LRP1B: variants seen among roughly 807,000 people sequenced by gnomAD.
LRP1B encodes low-density lipoprotein receptor-related protein 1B.
A neutral mutation model predicts 556.6 loss-of-function variants in LRP1B; 217 were observed. That is an observed-to-expected ratio of 0.39 (90% CI 0.35 to 0.44). The LOEUF (loss-of-function observed/expected upper bound fraction) is 0.44. LRP1B is among the 20% of genes least tolerant of loss of function. The probability of loss-of-function intolerance (pLI) is 1.00; values close to 1 mark genes in which losing one functional copy is unlikely to be tolerated. For synonymous variants in LRP1B, 2,047 were observed against 1,865.8 expected (o/e 1.10, Z -2.50); for missense variants, 5,053 against 5,620.8 (o/e 0.90, Z 3.23).
intron 1 of LRP1B, among the ~76,000 whole-genome samples, chr2:142,081,878 GTAA>G (rs1705732058): frequency 6.6e-6 from 1 of 152,114 alleles, no homozygotes. Flanking sequence ...TTGTGAGTTG[GTAA>G]TATTATCAGC....
intron 1 of LRP1B, among the ~76,000 whole-genome samples, chr2:142,110,808 T>C (rs1241919100): frequency 6.6e-6 from 1 of 152,206 alleles, no homozygotes; most frequent in Non-Finnish European, 1.5e-5. Context: ...TGTATCATGA[T>C]GAACAACCTA....
At chr2:141,472,248 A>G (rs62166283) in intron 3 of LRP1B, among the ~76,000 whole-genome samples, 66,891 of 152,096 alleles carry the variant, frequency 0.44, 15,026 homozygotes, top group Non-Finnish European at 0.49. Context: ...TTGTTGACTT[A>G]CACCTATTTA....
chr2:142,051,263 G>A (rs1218806187), intron 1 of LRP1B, among the ~76,000 whole-genome samples: 1 of 152,004 alleles, frequency 6.6e-6, no homozygotes, highest in Non-Finnish European at 1.5e-5. Flanking sequence ...ACAATATTTA[G>A]AGAGCTATTT....
chr2:141,709,128 A>G lies in LRP1B; in HGVS notation c.205+101151T>C, dbSNP rs144251720. Among the ~76,000 whole-genome samples the G allele has an allele frequency of 9.1e-3, 1,389 of 152,170 alleles. 16 individuals carry two copies. The highest frequency in any genetic ancestry group is 0.01 in the Non-Finnish European group (710 of 68,006). On this transcript the variant is annotated intron_variant, in intron 2 of 90. Transcript: ENST00000389484. Reference sequence around the variant, plus strand: ...TACTTTGGGAGGCCGACGCAGGCAGATCACAAGGTCAGGAGTTCAAGACCA... The same window carrying G: ...TACTTTGGGAGGCCGACGCAGGCAGGTCACAAGGTCAGGAGTTCAAGACCA...
intron 18 of LRP1B, among the ~76,000 whole-genome samples, chr2:140,965,804 G>GTTT (rs56096461): frequency 0.055 from 8,023 of 144,846 alleles, 303 homozygotes; most frequent in Middle Eastern, 0.094. Context: ...AACATGCAGT[G>GTTT]TTTTTTTTTT....
At chr2:140,238,906 C>T (rs959348246) in intron 88 of LRP1B, among the ~76,000 whole-genome samples, 9 of 150,776 alleles carry the variant, frequency 6.0e-5, no homozygotes, top group Non-Finnish European at 8.9e-5. Context: ...CATTATTTCA[C>T]GTCCATTTGT....
intron 60 of LRP1B, among the ~76,000 whole-genome samples, chr2:140,470,965 G>T (rs961684556): frequency 6.6e-6 from 1 of 152,118 alleles, no homozygotes; most frequent in African/African-American, 2.4e-5. Context: ...TCCAGCAAAG[G>T]CGTATTACTT....
chr2:141,464,778 G>C (rs933256900), intron 3 of LRP1B, among the ~76,000 whole-genome samples: 3 of 151,288 alleles, frequency 2.0e-5, no homozygotes, highest in Non-Finnish European at 4.4e-5. Context: ...CCTATATAAT[G>C]CCTATTTACT....
At chr2:140,389,164 A>G (rs1683899818) in intron 66 of LRP1B, among the ~76,000 whole-genome samples, 1 of 152,170 alleles carries the variant, frequency 6.6e-6, no homozygotes, top group South Asian at 2.1e-4. Context: ...ATATTATCAC[A>G]TAATATATGT....
At chr2:140,315,577 A>G (rs1221575598) in intron 82 of LRP1B, among the ~76,000 whole-genome samples, 1 of 151,970 alleles carries the variant, frequency 6.6e-6, no homozygotes, top group Non-Finnish European at 1.5e-5. Flanking sequence ...ACACGTGGCC[A>G]ATTTTTAAAT....
At chr2:141,110,767 G>C (rs1290216268) in intron 7 of LRP1B, among the ~76,000 whole-genome samples, 1 of 152,076 alleles carries the variant, frequency 6.6e-6, no homozygotes, top group Non-Finnish European at 1.5e-5. Context: ...ACACCTAAGA[G>C]GGGATTTATA....
intron 56 of LRP1B, among the ~76,000 whole-genome samples, chr2:140,493,376 A>T (rs746884774): frequency 2.0e-5 from 3 of 152,196 alleles, no homozygotes; most frequent in Non-Finnish European, 4.4e-5. Context: ...AACGTACAGG[A>T]GACCCTCTAA....
At chr2:141,297,757 G>T (rs1686236666) in intron 3 of LRP1B, among the ~76,000 whole-genome samples, 1 of 152,102 alleles carries the variant, frequency 6.6e-6, no homozygotes, top group African/African-American at 2.4e-5. Context: ...ATACAACGGT[G>T]CTCCCTAAGA....
chr2:141,203,042 C>CT (rs2105230485), intron 6 of LRP1B, among the ~76,000 whole-genome samples: 1 of 152,000 alleles, frequency 6.6e-6, no homozygotes, highest in African/African-American at 2.4e-5. Context: ...GAAGGAAGCA[C>CT]TAAACATGGA....
chr2:141,648,519 T>C (rs1461133171), intron 2 of LRP1B, among the ~76,000 whole-genome samples: 3 of 152,178 alleles, frequency 2.0e-5, no homozygotes, highest in Non-Finnish European at 4.4e-5. Flanking sequence ...CAGACATTTA[T>C]CACAGCAATA....
chr2:140,855,628 A>T (rs1253605186), intron 27 of LRP1B, among the ~76,000 whole-genome samples: 1 of 151,844 alleles, frequency 6.6e-6, no homozygotes, highest in Non-Finnish European at 1.5e-5. Flanking sequence ...TTTACCCTCC[A>T]GCTCTTTATT....
intron 2 of LRP1B, among the ~76,000 whole-genome samples, chr2:141,564,122 G>A (rs1686251589): frequency 6.6e-6 from 1 of 152,110 alleles, no homozygotes; most frequent in African/African-American, 2.4e-5. Context: ...AGAAGATTGA[G>A]TGAAGATTTT....
rs1192189235 is a variant in LRP1B at position 141,712,836 on chromosome 2, A to ATTTT, written c.205+97439_205+97442dup. The stretch of plus-strand genomic sequence containing the variant: ...AGGTGCCTGCCACCATGCCCAGCTA[A>ATTTT]TTTTTTTTTTTTTTTTTTTTTTTAG... On this transcript the variant is annotated intron_variant, in intron 2 of 90. Transcript: ENST00000389484. Among the ~76,000 whole-genome samples, 599 of 103,326 alleles carry ATTTT rather than the reference A, an allele frequency of 5.8e-3. 35 individuals are homozygous for ATTTT. The highest frequency in any genetic ancestry group is 0.022 in the African/African-American group (563 of 25,996). 67.8% of individuals were successfully genotyped at this position (103,326 alleles called of 152,430 possible). A position where few individuals can be genotyped will look rare whatever the true frequency, so the allele number is the denominator to read the frequency against.
intron 32 of LRP1B, among the ~76,000 whole-genome samples, chr2:140,779,933 G>A (rs1174875416): frequency 6.6e-6 from 1 of 151,832 alleles, no homozygotes. Context: ...AACAAAGCCA[G>A]ATGGCAAAGG....
Sources: gnomAD v4.1 joint callset for allele counts (sites outside exome capture counted in the v4.1 genomes callset) on GRCh38, gnomAD v4.1.1 for gene constraint, MANE v1.5 for transcripts, NCBI Gene and HGNC (gene_info 2026-07-23, HGNC 2026-07-21) for gene names.